CELSR1: variants seen among roughly 807,000 people sequenced by gnomAD.
The protein encoded by CELSR1 is cadherin EGF LAG seven-pass G-type receptor 1, also known as adhesion G protein-coupled receptor C1.
In CELSR1, 110 loss-of-function variants were observed where a neutral mutation model predicts 249.1. The ratio of observed to expected loss-of-function variants is 0.44; its 90% confidence interval spans 0.38 to 0.52. The LOEUF (loss-of-function observed/expected upper bound fraction) is 0.52. CELSR1 is among the 20% of genes least tolerant of loss of function. CELSR1 has a pLI of 0.00. For synonymous variants in CELSR1, 2,113 were observed against 1,900.0 expected, an observed-to-expected ratio of 1.11 and a Z score of -2.92; for missense variants, 4,109 against 4,296.4, an observed-to-expected ratio of 0.96 and a Z score of 1.22.
In CELSR1 at chr22:46,520,414, C is replaced by CA. The variant is rs1259945130; in HGVS notation, c.3544+13212dup. ...CAACAGTTTGCATTAGTCCTTCTAG[C>CA]ATTTTTTTCTTGTAATAAAATGTAC... On this transcript the variant is annotated intron_variant, in intron 1 of 34. Transcript: ENST00000674500. 4.2e-5 allele frequency among the ~76,000 whole-genome samples: 3 copies of CA among 72,074 alleles called. No homozygotes were observed. In the Middle Eastern group the frequency reaches 0.024, roughly 581 times the overall value. 47.3% of individuals were successfully genotyped at this position (72,074 alleles called of 152,430 possible).
intron 3 of CELSR1, 152 bp downstream of exon 3, chr22:46,439,037 C>T (rs544951696): frequency 1.8e-4 from 132 of 739,506 alleles, no homozygotes; most frequent in African/African-American, 1.4e-3. Context: ...GGATTACAGG[C>T]GTGAGCCACC....
intron 2 of CELSR1, among the ~76,000 whole-genome samples, chr22:46,452,192 C>T (rs1308319417): frequency 1.3e-5 from 2 of 152,170 alleles, no homozygotes; most frequent in African/African-American, 2.4e-5. Flanking sequence ...CCGAGGAAAC[C>T]AGCCAGTCAG....
At position 46,470,989 on chromosome 22, in the gene CELSR1, G is replaced by T. The variant is rs1242539525; in HGVS notation, c.3545-6644C>A. On this transcript the variant is annotated intron_variant, in intron 1 of 34. Transcript: ENST00000674500. Reference sequence around the variant, plus strand: ...AAAATACAAAGATTAGCAGGGCGTTGTGGTGCACATCTGTAATCCTAGCTA... The same window carrying T: ...AAAATACAAAGATTAGCAGGGCGTTTTGGTGCACATCTGTAATCCTAGCTA... Among the ~76,000 whole-genome samples, 6 of 152,104 alleles carry T rather than the reference G, an allele frequency of 3.9e-5. No homozygotes were observed. The South Asian group carries it at 1.0e-3, about 26-fold the overall frequency.
At position 46,408,107 on chromosome 22, in the gene CELSR1, G is replaced by GGAGGAAAGA. The variant is rs1488859605; in HGVS notation, c.5226+888_5226+889insTCTTTCCTC. Among the ~76,000 whole-genome samples, 2 of 152,242 alleles carry GGAGGAAAGA rather than the reference G, an allele frequency of 1.3e-5. No individual in the cohort carries two copies. The highest frequency in any genetic ancestry group is 2.9e-5 in the Non-Finnish European group (2 of 68,042). ...AGCATGGAAGATGCGAGCAGAAACC[G>GGAGGAAAGA]TGTGGCGCAGAAAACCGGAGGAAAG... On this transcript the variant is annotated intron_variant, in intron 9 of 34. Coordinates refer to ENST00000674500, the MANE Select transcript of CELSR1 (RefSeq NM_001378328.1). This position sits in a 1 kb window ranked among gnomAD's most constrained non-coding sequence, Gnocchi z 4.6.
chr22:46,388,543 G>C (rs2079055319), intron 18 of CELSR1, among the ~76,000 whole-genome samples: 1 of 151,402 alleles, frequency 6.6e-6, no homozygotes, highest in Admixed American at 6.6e-5. Flanking sequence ...GAGGCCCTTT[G>C]TGGATGAGGA....
chr22:46,535,749 G>A lies in CELSR1; in HGVS notation c.1422C>T (p.Leu474=), dbSNP rs1426636610. 2 of 1,612,462 alleles carry A rather than the reference G, an allele frequency of 1.2e-6. No individual in the cohort carries two copies. Reference sequence around the variant, plus strand: ...CCTGCACTCGCAGCACAGCCGTGTTGAGCCCCACGTCCTCGGGCACCTGGA... The same window carrying A: ...CCTGCACTCGCAGCACAGCCGTGTTAAGCCCCACGTCCTCGGGCACCTGGA... ...YVVQVPEDVG[L]NTAVLRVQAT... is the part of the protein sequence containing the mutation. Residue 474 remains leucine (L), a synonymous_variant, in exon 1 of 35, where the codon CTC becomes CTT. Coordinates refer to ENST00000674500, the MANE Select transcript of CELSR1 (RefSeq NM_001378328.1).
intron 25 of CELSR1, 99 bp from the exon 26 acceptor site, chr22:46,369,903 C>T (rs1318490538): frequency 2.1e-6 from 2 of 970,476 alleles, no homozygotes; most frequent in East Asian, 2.5e-5. Context: ...GGGGACTCAG[C>T]ATCTCCCTTC....
rs2079209480 is a variant in CELSR1 at position 46,401,417 on chromosome 22, CAG to C, written c.5227-1517_5227-1516del. On this transcript the variant is annotated intron_variant, in intron 9 of 34. Coordinates refer to ENST00000674500, the MANE Select transcript of CELSR1 (RefSeq NM_001378328.1). This position sits in a 1 kb window ranked among gnomAD's most constrained non-coding sequence, Gnocchi z 4.7. The stretch of plus-strand genomic sequence containing the variant: ...GACACTGAAGTGGCTCCAGGCAAAA[CAG>C]AGTTTCAGGCTCACAACCAAGGAAA... Among the ~76,000 whole-genome samples the C allele has an allele frequency of 6.6e-6, 1 of 152,168 alleles. No homozygotes were observed. Among genetic ancestry groups the C allele is most frequent in the Admixed American group, 6.5e-5 (1 of 15,282 alleles).
chr22:46,420,658 C>G (rs2147373920), intron 5 of CELSR1, among the ~76,000 whole-genome samples: 1 of 152,344 alleles, frequency 6.6e-6, no homozygotes, highest in East Asian at 1.9e-4. Flanking sequence ...CACACTAACA[C>G]ATGCTCATAC....
intron 18 of CELSR1, 38 bp downstream of exon 18, chr22:46,389,252 C>T (rs1286715042): frequency 2.3e-5 from 36 of 1,596,526 alleles, no homozygotes; most frequent in African/African-American, 6.7e-5. Flanking sequence ...CGAGTGTCCC[C>T]GAGTGTCCCC....
At chr22:46,404,134 G>A (rs1262067121) in intron 9 of CELSR1, among the ~76,000 whole-genome samples, 2 of 151,712 alleles carry the variant, frequency 1.3e-5, no homozygotes, top group East Asian at 1.9e-4. Flanking sequence ...ACATGAGGCT[G>A]GGCGCGGTGG....
chr22:46,459,840 C>T (rs1221503384), intron 2 of CELSR1, among the ~76,000 whole-genome samples: 2 of 152,156 alleles, frequency 1.3e-5, no homozygotes, highest in Non-Finnish European at 2.9e-5. Flanking sequence ...AGAGCTGCCT[C>T]GAGAAGTCAA....
rs1343546805 is a variant in CELSR1 at position 46,366,449 on chromosome 22, T to A, written c.8237A>T (p.Asp2746Val). ...RSLNCNTTFG[D>V]GPDMLRTDLG... is the part of the protein sequence containing the mutation. The stretch of plus-strand genomic sequence containing the variant: ...GTCTGTGCGCAGCATGTCAGGCCCG[T>A]CACCGAAGGTGGTGTTGCAGTTGAG... Residue 2746 changes from aspartate to valine, a missense_variant, in exon 30 of 35, where the codon GAC (aspartate) becomes GTC (valine). By Grantham distance (152) the Asp-to-Val change is radical (BLOSUM62 -3). Transcript: ENST00000674500. The A allele has an allele frequency of 2.6e-6, 4 of 1,550,154 alleles. No homozygotes were observed. The highest frequency in any genetic ancestry group is 4.9e-5 in the East Asian group (2 of 40,912).
chr22:46,462,466 C>T (rs983415671), intron 2 of CELSR1, among the ~76,000 whole-genome samples: 1 of 152,160 alleles, frequency 6.6e-6, no homozygotes, highest in African/African-American at 2.4e-5. Flanking sequence ...TGATAAATAC[C>T]TGCTAATACC....
At chr22:46,373,703 T>TGGGGGAGGTGGGGGAGAA (rs2078885626) in intron 24 of CELSR1, among the ~76,000 whole-genome samples, 1 of 22,130 alleles carries the variant, frequency 4.5e-5, no homozygotes, top group Non-Finnish European at 9.8e-5. Flanking sequence ...AAGGGGGAGA[T>TGGGGGAGGTGGGGGAGAA]GGGGGAGATG....
chr22:46,424,106 G>A (rs529998314), intron 5 of CELSR1, among the ~76,000 whole-genome samples: 2 of 151,824 alleles, frequency 1.3e-5, no homozygotes, highest in Non-Finnish European at 2.9e-5. Flanking sequence ...TCACTCTTTC[G>A]CCCAGGTTGG....
rs769190869 is a variant in CELSR1 at position 46,396,265 on chromosome 22, G to A, written c.5843+340C>T. Among the ~76,000 whole-genome samples, 1 of 151,974 alleles carries A rather than the reference G, an allele frequency of 6.6e-6. No homozygotes were observed. Among genetic ancestry groups the A allele is most frequent in the African/African-American group, 2.4e-5 (1 of 41,364 alleles). On this transcript the variant is annotated intron_variant, in intron 13 of 34. Transcript: ENST00000674500. The surrounding 1 kb of genome is among the most constrained non-coding windows in gnomAD (Gnocchi z 6.4). ...CTACTAAAAATACAAAATATTAGCTGGGCATGGTGGCGGGCACCTGTAGGA... is the reference window on the plus strand; with the variant it reads ...CTACTAAAAATACAAAATATTAGCTAGGCATGGTGGCGGGCACCTGTAGGA...
chr22:46,533,234 C>G (rs1169624227), intron 1 of CELSR1, among the ~76,000 whole-genome samples: 1 of 152,228 alleles, frequency 6.6e-6, no homozygotes, highest in Non-Finnish European at 1.5e-5. Context: ...GCAGTGACCT[C>G]TGATCTTCCC....
rs974190447 is a variant in CELSR1, at chr22:46,488,523, G to A, written c.3545-24178C>T. Among the ~76,000 whole-genome samples the A allele has an allele frequency of 5.9e-5, 9 of 152,142 alleles. No homozygotes were observed. The highest frequency in any genetic ancestry group is 2.1e-4 in the South Asian group (1 of 4,832). On this transcript the variant is annotated intron_variant, in intron 1 of 34. Transcript: ENST00000674500. The surrounding 1 kb of genome is among the most constrained non-coding windows in gnomAD (Gnocchi z 4.7). The stretch of plus-strand genomic sequence containing the variant: ...TTGAACCCACACCAAGGCTGGACTC[G>A]GCACAGGCCAGAGGGAAGCCCCACA...
Sources: allele counts gnomAD v4.1 joint callset (sites outside exome capture counted in the v4.1 genomes callset), GRCh38; gene constraint gnomAD v4.1.1; non-coding constraint Gnocchi (gnomAD v3.1); transcripts MANE v1.5; gene names NCBI Gene and HGNC (gene_info 2026-07-23, HGNC 2026-07-21).